SNX32: variants seen among roughly 807,000 people sequenced by gnomAD.
SNX32 encodes sorting nexin-32.
SNX32 carries 58 observed loss-of-function variants against 57.0 expected under a neutral mutation model. The observed-to-expected ratio is 1.02, with a 90% CI of 0.82 to 1.27. SNX32 has a LOEUF of 1.27. Ranked by LOEUF, SNX32 falls within the 50% of genes most tolerant of loss-of-function variation. The pLI is 0.00. For missense variants in SNX32, 589 were observed against 541.2 expected (o/e 1.09, Z -0.88); for synonymous variants, 262 against 220.4 (o/e 1.19, Z -1.67).
intron 2 of SNX32, 139 bp from the exon 3 acceptor site, chr11:65,849,781 A>G: frequency 2.6e-6 from 2 of 782,836 alleles, no homozygotes; most frequent in Non-Finnish European, 2.1e-6. Flanking sequence ...CACCATTCTA[A>G]ATGAAATCAT....
intron 1 of SNX32, among the ~76,000 whole-genome samples, chr11:65,840,123 C>G (rs1013719973): frequency 5.9e-5 from 9 of 151,938 alleles, no homozygotes; most frequent in African/African-American, 2.2e-4. Flanking sequence ...CCAGTGCACT[C>G]CAGCCTGGGC....
intron 1 of SNX32, among the ~76,000 whole-genome samples, chr11:65,838,279 GTAA>G (rs1160383176): frequency 6.6e-6 from 1 of 151,812 alleles, no homozygotes; most frequent in Non-Finnish European, 1.5e-5. Context: ...CCACAGAAAG[GTAA>G]AACAATCCTA....
At chr11:65,842,946 T>A (rs2134692349) in intron 1 of SNX32, among the ~76,000 whole-genome samples, 1 of 86,770 alleles carries the variant, frequency 1.2e-5, no homozygotes, top group Non-Finnish European at 2.0e-5. Flanking sequence ...CGAAACTCCA[T>A]CTCAAAAAAA....
Position 65,853,377 on chromosome 11 carries a change from T to G in SNX32, c.*42T>G. ...CCAGACCCTAATCTGGGATCTCCAGTGACCAGGGTATCCCAGACCCCTCTC... is the reference window on the plus strand; with the variant it reads ...CCAGACCCTAATCTGGGATCTCCAGGGACCAGGGTATCCCAGACCCCTCTC... On this transcript the variant is annotated 3_prime_UTR_variant, in exon 13 of 13. Transcript: ENST00000308342. 1.9e-6 allele frequency: 3 copies of G among 1,596,750 alleles called. No individual in the cohort carries two copies. Among genetic ancestry groups the G allele is most frequent in the Non-Finnish European group, 2.6e-6 (3 of 1,164,536 alleles).
rs768726148 is a variant in SNX32 at position 65,851,167 on chromosome 11, A to G, written c.709+7A>G. 1 of 1,611,546 alleles carries G rather than the reference A, an allele frequency of 6.2e-7. No individual in the cohort carries two copies. Among genetic ancestry groups the G allele is most frequent in the Non-Finnish European group, 8.5e-7 (1 of 1,179,660 alleles). On this transcript the variant is annotated splice_region_variant and intron_variant, in intron 7 of 12. Transcript: ENST00000308342. ...GTCATGCGCGCCCACAAGTGTACGC[A>G]GGGCCCAAGGGGTCCTGGATCCCCC...
At position 65,852,614 on chromosome 11, in the gene SNX32, G is replaced by A; in HGVS notation, c.913-16G>A. The A allele has an allele frequency of 1.2e-6, 2 of 1,613,030 alleles. No homozygotes were observed. Among genetic ancestry groups the A allele is most frequent in the South Asian group, 1.1e-5 (1 of 91,028 alleles). ...GCCAGGACAGGGCAGCAGTGACCCT[G>A]TGCCCATGGTCCTAGGACCTGCTGT... is the stretch of plus-strand genomic sequence containing the variant. On this transcript the variant is annotated splice_polypyrimidine_tract_variant and intron_variant, in intron 10 of 12. Coordinates refer to ENST00000308342, the MANE Select transcript of SNX32 (RefSeq NM_152760.3).
chr11:65,848,634 G>A (rs1027145000), intron 1 of SNX32, among the ~76,000 whole-genome samples: 3 of 152,164 alleles, frequency 2.0e-5, no homozygotes, highest in African/African-American at 7.2e-5. Flanking sequence ...GGTGTCTTGT[G>A]GATCTTTTCA....
intron 5 of SNX32, 28 bp from the exon 6 acceptor site, chr11:65,850,723 A>G (rs1242820381): frequency 6.2e-7 from 1 of 1,608,510 alleles, no homozygotes; most frequent in Non-Finnish European, 8.5e-7. Flanking sequence ...CGCCCACCCC[A>G]GCATCATACC....
At chr11:65,848,951 T>C (rs894545227) in intron 1 of SNX32, among the ~76,000 whole-genome samples, 3 of 152,108 alleles carry the variant, frequency 2.0e-5, no homozygotes, top group African/African-American at 7.2e-5. Flanking sequence ...GAGACCAGCC[T>C]GACCAAACAT....
chr11:65,845,676 G>T (rs1858973058), intron 1 of SNX32, among the ~76,000 whole-genome samples: 1 of 152,086 alleles, frequency 6.6e-6, no homozygotes, highest in Non-Finnish European at 1.5e-5. Context: ...GGCAGAGGTT[G>T]CAGTGAGCCG....
chr11:65,850,459 G>T lies in SNX32; in HGVS notation c.403G>T (p.Val135Phe). 1.2e-6 allele frequency: 2 copies of T among 1,614,216 alleles called. No homozygotes were observed. Among genetic ancestry groups the T allele is most frequent in the Non-Finnish European group, 1.7e-6 (2 of 1,180,038 alleles). ...AEYLAIFKKT[V>F]AMHEVFLQRL... ...GTACCTGGCCATCTTTAAGAAGACA[G>T]TTGCGATGCACGAAGTCTTTCTGCA... is the stretch of plus-strand genomic sequence containing the variant. Residue 135 changes from valine (V) to phenylalanine (F), a missense_variant, in exon 5 of 13, where the codon GTT becomes TTT. Val to Phe is a conservative substitution (Grantham distance 50). Coordinates refer to ENST00000308342, the MANE Select transcript of SNX32 (RefSeq NM_152760.3).
At chr11:65,850,071 G>A (rs1488011450) in intron 3 of SNX32, 41 bp downstream of exon 3, 2 of 1,614,152 alleles carry the variant, frequency 1.2e-6, no homozygotes, top group South Asian at 2.2e-5. Context: ...GACAGGCAGA[G>A]CACTTGGGTG....
In SNX32 at chr11:65,849,156, AAAC is replaced by A. The variant is rs1320884553; in HGVS notation, c.37-315_37-313del. Among the ~76,000 whole-genome samples the A allele has an allele frequency of 6.6e-5, 10 of 152,252 alleles. No individual in the cohort carries two copies. The East Asian group carries it at 7.7e-4, about 12-fold the overall frequency. ...ACTCCGTCTAAAAAAACAAACAAAGAAACAACAACTGGGTTTCAATCTGGCACT... is the reference window on the plus strand; with the variant it reads ...ACTCCGTCTAAAAAAACAAACAAAGAAACAACTGGGTTTCAATCTGGCACT... On this transcript the variant is annotated intron_variant, in intron 1 of 12. Transcript: ENST00000308342.
chr11:65,838,110 C>A (rs947676436), intron 1 of SNX32, among the ~76,000 whole-genome samples: 1 of 151,466 alleles, frequency 6.6e-6, no homozygotes, highest in African/African-American at 2.4e-5. Context: ...GAGCCAAGAT[C>A]ATGCCATTTC....
At chr11:65,853,012 C>G in intron 12 of SNX32, 54 bp downstream of exon 12, 1 of 1,578,540 alleles carries the variant, frequency 6.3e-7, no homozygotes, top group Non-Finnish European at 8.7e-7. Context: ...TCCCACCTCC[C>G]TCCCTCCCCC....
chr11:65,850,649 A>G (rs552509042), intron 5 of SNX32, 95 bp downstream of exon 5: 1 of 1,562,154 alleles, frequency 6.4e-7, no homozygotes, highest in South Asian at 1.2e-5. Context: ...GAAGGGGCCC[A>G]AGTGGGCCCA....
In SNX32 at chr11:65,850,561, T is replaced by G. The variant is rs759020461; in HGVS notation, c.498+7T>G. ...TTTGGAATATGGACAGGATGTGAGC[T>G]GGGCCGAATCCCTGGGGTCACCCTT... On this transcript the variant is annotated splice_region_variant and intron_variant, in intron 5 of 12. Coordinates refer to ENST00000308342, the MANE Select transcript of SNX32 (RefSeq NM_152760.3). 1.2e-6 allele frequency: 2 copies of G among 1,600,606 alleles called. No homozygotes were observed. Among genetic ancestry groups the G allele is most frequent in the Middle Eastern group, 1.7e-4 (1 of 5,978 alleles).
At chr11:65,843,220 CAAAA>C (rs11307931) in intron 1 of SNX32, among the ~76,000 whole-genome samples, 8 of 108,918 alleles carry the variant, frequency 7.3e-5, no homozygotes, top group Admixed American at 9.8e-5. Context: ...GACTCCGTCT[CAAAA>C]AAAAAAAAAA....
At chr11:65,838,615 T>G (rs1351284765) in intron 1 of SNX32, among the ~76,000 whole-genome samples, 1 of 152,194 alleles carries the variant, frequency 6.6e-6, no homozygotes, top group Non-Finnish European at 1.5e-5. Context: ...ATAACATGAT[T>G]AATCAACTTG....
Sources: allele counts gnomAD v4.1 joint callset (sites outside exome capture counted in the v4.1 genomes callset), GRCh38; gene constraint gnomAD v4.1.1; transcripts MANE v1.5; gene names NCBI Gene and HGNC (gene_info 2026-07-23, HGNC 2026-07-21).